FOXP1: variants seen among roughly 807,000 people sequenced by gnomAD.
FOXP1 encodes forkhead box P1, also known as forkhead box protein P1.
FOXP1 carries 15 observed loss-of-function variants against 98.2 expected under a neutral mutation model. The ratio of observed to expected loss-of-function variants is 0.15; its 90% CI spans 0.10 to 0.24. FOXP1 has a LOEUF of 0.24. Ranked by LOEUF, FOXP1 falls within the 10% of genes least tolerant of loss-of-function variation. FOXP1 has a pLI of 1.00. For synonymous variants in FOXP1, 371 were observed against 314.5 expected (o/e 1.18, Z -1.90); for missense variants, 633 against 848.5 (o/e 0.75, Z 3.15).
intron 2 of FOXP1, among the ~76,000 whole-genome samples, chr3:71,578,017 A>G (rs369879035): frequency 6.6e-6 from 1 of 152,230 alleles, no homozygotes; most frequent in East Asian, 1.9e-4. Flanking sequence ...ACTGAAATCT[A>G]TAAAAGAAGT....
At chr3:70,997,521 G>C (rs1043550063) in intron 13 of FOXP1, among the ~76,000 whole-genome samples, 2 of 152,062 alleles carry the variant, frequency 1.3e-5, no homozygotes, top group Non-Finnish European at 2.9e-5. Flanking sequence ...TCAGGGCAAG[G>C]GTTCTTTAAA....
chr3:71,281,773 G>T (rs2071592991), intron 5 of FOXP1, among the ~76,000 whole-genome samples: 1 of 151,900 alleles, frequency 6.6e-6, no homozygotes, highest in African/African-American at 2.4e-5. Flanking sequence ...CATCTGGATG[G>T]CAATGGCTTG....
chr3:71,278,197 G>T lies in FOXP1; in HGVS notation c.-12+21623C>A, dbSNP rs570469782. ...GTTATACATAAAGGCATTAAGCAGGGCCTGACACACAGCAAACGTTCAATA... is the reference window on the plus strand; with the variant it reads ...GTTATACATAAAGGCATTAAGCAGGTCCTGACACACAGCAAACGTTCAATA... On this transcript the variant is annotated intron_variant, in intron 5 of 20. Transcript: ENST00000649528. 2.8e-4 allele frequency among the ~76,000 whole-genome samples: 43 copies of T among 152,250 alleles called. 1 individual carries two copies. The South Asian group carries it at 8.7e-3, about 31-fold the overall frequency.
chr3:71,319,145 C>G (rs2075253798), intron 4 of FOXP1, among the ~76,000 whole-genome samples: 1 of 152,180 alleles, frequency 6.6e-6, no homozygotes, highest in Non-Finnish European at 1.5e-5. Flanking sequence ...TGATAGAAAT[C>G]TTTGTCAAAC....
At chr3:71,103,060 G>A (rs1360287777) in intron 7 of FOXP1, among the ~76,000 whole-genome samples, 1 of 152,148 alleles carries the variant, frequency 6.6e-6, no homozygotes, top group East Asian at 1.9e-4. Context: ...TCAGTTTCCT[G>A]TTTGAAAACC....
At chr3:71,437,877 AAAGAAAAGCTTGGTTCCAGGAGGTG>A (rs1422784654) in intron 3 of FOXP1, among the ~76,000 whole-genome samples, 5 of 152,220 alleles carry the variant, frequency 3.3e-5, no homozygotes, top group Non-Finnish European at 5.9e-5. Flanking sequence ...TTGCAGACAA[AAAGAAAAGCTTGGTTCCAGGAGGTG>A]AAGAAAAGCT....
At chr3:71,582,919 C>A in intron 1 of FOXP1, 1 of 602,108 alleles carries the variant, frequency 1.7e-6, no homozygotes, top group Non-Finnish European at 2.1e-6. Context: ...GCACCACAGT[C>A]AGTTTGCTGG....
chr3:71,141,781 CA>C (rs2060084477), intron 6 of FOXP1, among the ~76,000 whole-genome samples: 1 of 151,898 alleles, frequency 6.6e-6, no homozygotes, highest in Non-Finnish European at 1.5e-5. Context: ...CCTCAGCCTT[CA>C]TTAAAAAAAA....
intron 7 of FOXP1, among the ~76,000 whole-genome samples, chr3:71,110,011 C>T (rs182748012): frequency 1.3e-5 from 2 of 152,234 alleles, no homozygotes; most frequent in East Asian, 1.9e-4. Context: ...CCCCTTCTCC[C>T]CCTACTTTTT....
In FOXP1 at chr3:71,299,801, TA is replaced by T. The variant is rs1305432463; in HGVS notation, c.-12+18del. The T allele has an allele frequency of 6.5e-6, 1 of 152,690 alleles. No individual in the cohort carries two copies. Among genetic ancestry groups the T allele is most frequent in the African/African-American group, 2.4e-5 (1 of 41,470 alleles). 9.5% of individuals were successfully genotyped at this position (152,690 alleles called of 1,614,324 possible). A position where few individuals can be genotyped will look rare whatever the true frequency, so the allele number is the denominator to read the frequency against. On this transcript the variant is annotated intron_variant, in intron 5 of 20. Transcript: ENST00000649528. Reference sequence around the variant, plus strand: ...GACACAGCCCTGGATATAACTTCACTAATCACATTTGCATTTACCTTTTTTG... The same window carrying T: ...GACACAGCCCTGGATATAACTTCACTATCACATTTGCATTTACCTTTTTTG...
chr3:71,302,502 A>C (rs2073930097), intron 4 of FOXP1, among the ~76,000 whole-genome samples: 1 of 141,060 alleles, frequency 7.1e-6, no homozygotes, highest in African/African-American at 2.7e-5. Flanking sequence ...TGATTATGCA[A>C]AGCTTTTATG....
chr3:71,377,395 T>G (rs915829579), intron 3 of FOXP1, among the ~76,000 whole-genome samples: 3 of 152,226 alleles, frequency 2.0e-5, no homozygotes, highest in African/African-American at 7.2e-5. Context: ...AATATTACTT[T>G]GATGTGCCAT....
At chr3:71,141,645 T>G (rs2060075701) in intron 6 of FOXP1, among the ~76,000 whole-genome samples, 2 of 152,210 alleles carry the variant, frequency 1.3e-5, no homozygotes, top group Non-Finnish European at 2.9e-5. Flanking sequence ...GTCTAGGCAC[T>G]GGGCCTAGGA....
chr3:71,344,698 G>A (rs1291838248), intron 4 of FOXP1, among the ~76,000 whole-genome samples: 2 of 152,102 alleles, frequency 1.3e-5, no homozygotes, highest in Non-Finnish European at 2.9e-5. Context: ...AATTAGCCAG[G>A]CATAGTGGCA....
At chr3:71,213,878 C>A (rs1349506194) in intron 5 of FOXP1, among the ~76,000 whole-genome samples, 1 of 152,130 alleles carries the variant, frequency 6.6e-6, no homozygotes. Flanking sequence ...CTTACAAACA[C>A]ATAAAAATGG....
rs772022428 is a variant in FOXP1 at position 71,503,755 on chromosome 3, C to T, written c.-297-10200G>A. On this transcript the variant is annotated intron_variant, in intron 2 of 20. Coordinates refer to ENST00000649528, the MANE Select transcript of FOXP1 (RefSeq NM_001349338.3). The stretch of plus-strand genomic sequence containing the variant: ...ACAGGAAGCCTGTATGGAGCCTCAT[C>T]CATCATTCAGGCCAGATCATGTACA... Among the ~76,000 whole-genome samples, 27 of 152,082 alleles carry T rather than the reference C, an allele frequency of 1.8e-4. 1 individual carries two copies. The highest frequency in any genetic ancestry group is 2.8e-4 in the Non-Finnish European group (19 of 68,032).
chr3:71,389,175 T>A (rs1560412850), intron 3 of FOXP1, among the ~76,000 whole-genome samples: 1 of 142,558 alleles, frequency 7.0e-6, no homozygotes, highest in African/African-American at 2.6e-5. Flanking sequence ...CTGATTCCGA[T>A]ATGGTGCAAA....
intron 2 of FOXP1, among the ~76,000 whole-genome samples, chr3:71,510,664 G>C (rs911187695): frequency 1.3e-5 from 2 of 152,132 alleles, no homozygotes; most frequent in African/African-American, 4.8e-5. Context: ...CCTGCAGAGG[G>C]GGCTGATGCC....
At chr3:71,103,246 A>G (rs1479983422) in intron 7 of FOXP1, among the ~76,000 whole-genome samples, 1 of 152,228 alleles carries the variant, frequency 6.6e-6, no homozygotes, top group Non-Finnish European at 1.5e-5. Flanking sequence ...AAAATAACCC[A>G]TAGTTACAGA....
Sources: allele counts gnomAD v4.1 joint callset (sites outside exome capture counted in the v4.1 genomes callset), GRCh38; gene constraint gnomAD v4.1.1; transcripts MANE v1.5; gene names NCBI Gene and HGNC (gene_info 2026-07-23, HGNC 2026-07-21).